Variants in ABCA1 observed in about 807,000 individuals in gnomAD.
ABCA1 encodes the protein ATP binding cassette subfamily A member 1, also known as phospholipid-transporting ATPase ABCA1.
A neutral mutation model predicts 262.5 loss-of-function variants in ABCA1; 133 were observed. The observed-to-expected ratio is 0.51, with a 90% confidence interval of 0.44 to 0.59. ABCA1 has a LOEUF of 0.59. Ranked by LOEUF, ABCA1 falls within the 20% of genes least tolerant of loss-of-function variation. The probability of loss-of-function intolerance (pLI) is 0.00; values close to 1 mark genes in which losing one functional copy is unlikely to be tolerated. For missense variants in ABCA1, 2,452 were observed against 2,777.5 expected (o/e 0.88, Z 2.63); for synonymous variants, 1,022 against 1,043.5 (o/e 0.98, Z 0.40).
chr9:104,829,145 G>T lies in ABCA1; in HGVS notation c.1893-7C>A, dbSNP rs1588326856. ...GCTCATCACCCGCAGAAAGCTGGAG[G>T]CCCCAAGGAAGGACAAGGGGAGAAA... On this transcript the variant is annotated splice_region_variant and splice_polypyrimidine_tract_variant and intron_variant, in intron 14 of 49. Transcript: ENST00000374736. 2.5e-6 allele frequency: 4 copies of T among 1,614,106 alleles called. 1 individual carries two copies. The African/African-American group carries it at 5.3e-5, about 22-fold the overall frequency.
In ABCA1 at chr9:104,792,934, C is replaced by A. The variant is rs765833642; in HGVS notation, c.5637-28G>T. ...TGGGGGAAAAAACAAGAAAAATGAA[C>A]CTTTCAAACTATTTTTCAGGACAAA... On this transcript the variant is annotated intron_variant, in intron 41 of 49. Transcript: ENST00000374736. 1.9e-6 allele frequency: 3 copies of A among 1,613,448 alleles called. No individual in the cohort carries two copies. In the East Asian group the frequency reaches 6.7e-5, roughly 36 times the overall value.
intron 1 of ABCA1, among the ~76,000 whole-genome samples, chr9:104,919,969 C>T (rs1444828690): frequency 6.6e-6 from 1 of 152,186 alleles, no homozygotes; most frequent in Non-Finnish European, 1.5e-5. Context: ...TGGTATGTTA[C>T]ACTAATGCCC....
chr9:104,800,954 T>C (rs545603185), intron 34 of ABCA1, among the ~76,000 whole-genome samples: 1 of 152,074 alleles, frequency 6.6e-6, no homozygotes, highest in Non-Finnish European at 1.5e-5. Flanking sequence ...CATGGGCCCA[T>C]CACTCAAAAG....
At position 104,798,543 on chromosome 9, in the gene ABCA1, A is replaced by G; in HGVS notation, c.4999T>C (p.Phe1667Leu). 6.2e-7 allele frequency: 1 copy of G among 1,614,172 alleles called. No homozygotes were observed. The highest frequency in any genetic ancestry group is 8.5e-7 in the Non-Finnish European group (1 of 1,180,032). The change falls in exon 37 of 50, where the codon TTC becomes CTC. Residue 1667 changes from phenylalanine (F) to leucine (L), a missense_variant. Phe to Leu is a conservative substitution (Grantham distance 22). Coordinates refer to ENST00000374736, the MANE Select transcript of ABCA1 (RefSeq NM_005502.4). ...AATACGACAAAGCTGGCTGGGACGA[A>G]GGACATTGCAAAGATGACACAGATG... ...VSICVIFAMSFVPASFVVFLI... is the reference protein window; with the variant it reads ...VSICVIFAMSLVPASFVVFLI...
Position 104,831,651 on chromosome 9 carries a change from A to T in ABCA1, c.1686T>A (p.Asn562Lys). Residue 562 changes from asparagine (N) to lysine (K), a missense_variant, in exon 13 of 50, where the codon AAT becomes AAA. Asn to Lys is a moderately conservative substitution (Grantham distance 94). Coordinates refer to ENST00000374736, the MANE Select transcript of ABCA1 (RefSeq NM_005502.4). ...CCTTGATTTTATTTGTCCTCTCCAC[A>T]TTGTCAATGTCCATTCGGATCTTGT... ...VKYKIRMDID[N>K]VERTNKIKDG... The T allele has an allele frequency of 6.2e-7, 1 of 1,614,158 alleles. No individual in the cohort carries two copies. The highest frequency in any genetic ancestry group is 8.5e-7 in the Non-Finnish European group (1 of 1,180,022).
rs777670089 is a variant in ABCA1, at chr9:104,784,449, C to T, written c.6652G>A (p.Val2218Met). Residue 2218 changes from valine to methionine, a missense_variant, in exon 50 of 50, where the codon GTG (valine) becomes ATG (methionine). Val to Met is a conservative substitution (Grantham distance 21, BLOSUM62 1). This residue lies in a region of ABCA1 where 752 missense variants were observed against 944.5 expected (regional missense o/e 0.80). Coordinates refer to ENST00000374736, the MANE Select transcript of ABCA1 (RefSeq NM_005502.4). Reference protein sequence around the residue: ...VSQTTLDQVFVNFAKDQSDDD... With the variant: ...VSQTTLDQVFMNFAKDQSDDD... ...TCACTTTGGTCCTTGGCAAAGTTCA[C>T]AAATACCTGTTAAAAGATTAAGATG... 1 of 1,614,070 alleles carries T rather than the reference C, an allele frequency of 6.2e-7. No homozygotes were observed. Among genetic ancestry groups the T allele is most frequent in the Non-Finnish European group, 8.5e-7 (1 of 1,180,004 alleles).
intron 14 of ABCA1, 143 bp from the exon 15 acceptor site, chr9:104,829,281 C>A (rs933446637): frequency 5.8e-5 from 46 of 786,578 alleles, no homozygotes; most frequent in African/African-American, 5.5e-4. Flanking sequence ...CTGAAATGTA[C>A]GTATGATCCA....
chr9:104,808,330 C>T (rs1447906850), intron 30 of ABCA1, among the ~76,000 whole-genome samples: 2 of 152,158 alleles, frequency 1.3e-5, no homozygotes, highest in Admixed American at 1.3e-4. Context: ...AGCATCAATC[C>T]ATGAGTTCAT....
intron 7 of ABCA1, among the ~76,000 whole-genome samples, chr9:104,854,836 C>T (rs376441972): frequency 1.2e-4 from 18 of 152,338 alleles, no homozygotes; most frequent in African/African-American, 3.8e-4. Context: ...TTTCATATAT[C>T]CACCCACCTT....
At chr9:104,913,962 GCTA>G (rs1034224077) in intron 1 of ABCA1, among the ~76,000 whole-genome samples, 2 of 74,528 alleles carry the variant, frequency 2.7e-5, no homozygotes, top group African/African-American at 8.1e-5. Flanking sequence ...AACACGCCCG[GCTA>G]ATTTTTTGTA....
intron 2 of ABCA1, among the ~76,000 whole-genome samples, chr9:104,896,572 G>GT (rs1254886748): frequency 6.6e-6 from 1 of 151,968 alleles, no homozygotes; most frequent in Non-Finnish European, 1.5e-5. Flanking sequence ...AGGCAAAAAG[G>GT]TAAGTGGGGG....
chr9:104,855,452 C>T, intron 7 of ABCA1: 2 of 353,310 alleles, frequency 5.7e-6, no homozygotes, highest in South Asian at 5.9e-5. Context: ...TCATCCGCCT[C>T]GGCCCCCACA....
chr9:104,898,225 C>T (rs1840374312), intron 2 of ABCA1, among the ~76,000 whole-genome samples: 1 of 152,140 alleles, frequency 6.6e-6, no homozygotes, highest in Non-Finnish European at 1.5e-5. Context: ...TGTGGCCTGA[C>T]TACCTCAGGG....
In ABCA1 at chr9:104,782,417, TTC is replaced by T. The variant is rs1397632703; in HGVS notation, c.*1896_*1897del. The stretch of plus-strand genomic sequence containing the variant: ...TACACCTTTAGCGTTAATATTCAAA[TTC>T]TGGAAAAAGTGGAAGAAGTTAGTAA... On this transcript the variant is annotated 3_prime_UTR_variant, in exon 50 of 50. Transcript: ENST00000374736. 1 of 152,104 alleles carries T rather than the reference TTC, an allele frequency of 6.6e-6. No homozygotes were observed. The highest frequency in any genetic ancestry group is 6.5e-5 in the Admixed American group (1 of 15,276). 9.4% of individuals were successfully genotyped at this position (152,104 alleles called of 1,614,324 possible). A position where few individuals can be genotyped will look rare whatever the true frequency, so the allele number is the denominator to read the frequency against.
chr9:104,827,256 T>C, intron 15 of ABCA1, 87 bp from the exon 16 acceptor site: 1 of 1,127,572 alleles, frequency 8.9e-7, no homozygotes, highest in Non-Finnish European at 1.3e-6. Flanking sequence ...ACAGGGTTTA[T>C]TCCTACTCAT....
chr9:104,893,672 T>C lies in ABCA1; in HGVS notation c.67-4477A>G, dbSNP rs76304226. 3.1e-3 allele frequency among the ~76,000 whole-genome samples: 473 copies of C among 152,234 alleles called. 3 individuals carry two copies. The highest frequency in any genetic ancestry group is 0.011 in the African/African-American group (454 of 41,550). The stretch of plus-strand genomic sequence containing the variant: ...CAACCCTGTGAGATAGGAAACATTA[T>C]TGTCTTGATTTTATATGTAGCAAGG... On this transcript the variant is annotated intron_variant, in intron 2 of 49. Coordinates refer to ENST00000374736, the MANE Select transcript of ABCA1 (RefSeq NM_005502.4).
At position 104,858,019 on chromosome 9, in the gene ABCA1, G is replaced by A. The variant is rs1387699176; in HGVS notation, c.720+503C>T. Among the ~76,000 whole-genome samples, 3 of 152,100 alleles carry A rather than the reference G, an allele frequency of 2.0e-5. No individual in the cohort carries two copies. In the East Asian group the frequency reaches 5.8e-4, roughly 29 times the overall value. ...TTGATTCCTAGGCTGAAAAAACTTC[G>A]TCGGAATTTTTCTTTGCAATGTTAT... is the stretch of plus-strand genomic sequence containing the variant. On this transcript the variant is annotated intron_variant, in intron 7 of 49. Coordinates refer to ENST00000374736, the MANE Select transcript of ABCA1 (RefSeq NM_005502.4).
rs559760397 is a variant in ABCA1, at chr9:104,851,769, TG to T, written c.721-6201del. Among the ~76,000 whole-genome samples, 12 of 152,334 alleles carry T rather than the reference TG, an allele frequency of 7.9e-5. No homozygotes were observed. The East Asian group carries it at 2.1e-3, about 27-fold the overall frequency. ...TGGACCTTGCACATGACTACCTCCC[TG>T]GGCCAGAGCATGGCACTGATTAGGG... On this transcript the variant is annotated intron_variant, in intron 7 of 49. Coordinates refer to ENST00000374736, the MANE Select transcript of ABCA1 (RefSeq NM_005502.4).
chr9:104,820,807 G>A (rs1210184706), intron 20 of ABCA1, among the ~76,000 whole-genome samples: 1 of 152,128 alleles, frequency 6.6e-6, no homozygotes, highest in South Asian at 2.1e-4. Context: ...TGACAATAAT[G>A]GGAAGCAATG....
Sources: gnomAD v4.1 joint callset for allele counts (sites outside exome capture counted in the v4.1 genomes callset) on GRCh38, gnomAD v4.1.1 for gene constraint, gnomAD v4.1.1 regional missense constraint, MANE v1.5 for transcripts, NCBI Gene and HGNC (gene_info 2026-07-23, HGNC 2026-07-21) for gene names.